TRPM3: variants seen among roughly 807,000 people sequenced by gnomAD.
TRPM3 encodes long transient receptor potential channel 3.
In TRPM3, 77 loss-of-function variants were observed where a neutral mutation model predicts 181.2. The ratio of observed to expected loss-of-function variants is 0.42; its 90% CI spans 0.35 to 0.51. TRPM3 has a LOEUF of 0.51. Among genes scored for constraint, TRPM3 ranks in the 20% least tolerant of loss-of-function variants. The pLI is 0.01. For missense variants in TRPM3, 1,759 were observed against 2,196.7 expected (o/e 0.80, Z 3.98); for synonymous variants, 745 against 796.4 (o/e 0.94, Z 1.09).
chr9:70,772,055 T>C (rs2080383083), intron 7 of TRPM3, among the ~76,000 whole-genome samples: 1 of 152,114 alleles, frequency 6.6e-6, no homozygotes, highest in Non-Finnish European at 1.5e-5. Context: ...GAGGAAAGAA[T>C]ATAATTAAAA....
rs567652032 is a variant in TRPM3, at chr9:71,129,856, T to G, written c.184-265345A>C. Among the ~76,000 whole-genome samples, 19 of 152,262 alleles carry G rather than the reference T, an allele frequency of 1.2e-4. 1 individual carries two copies. The South Asian group carries it at 3.9e-3, about 32-fold the overall frequency. On this transcript the variant is annotated intron_variant, in intron 1 of 24. Transcript: ENST00000357533. ...TTCCAGAAGCTCTGGGTTTCTTTTA[T>G]TTGCACGGCTGACTTCCATATCCCT...
At chr9:71,248,375 G>C (rs1321359303) in intron 1 of TRPM3, among the ~76,000 whole-genome samples, 1 of 152,138 alleles carries the variant, frequency 6.6e-6, no homozygotes, top group Non-Finnish European at 1.5e-5. Context: ...TGGACATTCT[G>C]ATATTTGAAT....
At chr9:71,445,993 C>T (rs1003767148) in intron 1 of TRPM3, among the ~76,000 whole-genome samples, 4 of 152,194 alleles carry the variant, frequency 2.6e-5, no homozygotes, top group African/African-American at 9.7e-5. Context: ...CTTCTCTACA[C>T]ACATATGATG....
At chr9:70,642,872 C>T (rs1336922284) in intron 9 of TRPM3, among the ~76,000 whole-genome samples, 1 of 152,152 alleles carries the variant, frequency 6.6e-6, no homozygotes, top group Admixed American at 6.5e-5. Flanking sequence ...TGGGTGGAGC[C>T]TAAGGTTCTG....
chr9:70,780,715 AT>A (rs2082269599), intron 7 of TRPM3, among the ~76,000 whole-genome samples: 1 of 152,178 alleles, frequency 6.6e-6, no homozygotes, highest in African/African-American at 2.4e-5. Context: ...ATCATGATGA[AT>A]TTATAATTGC....
chr9:71,393,489 A>G (rs537073321), intron 1 of TRPM3, among the ~76,000 whole-genome samples: 1 of 152,320 alleles, frequency 6.6e-6, no homozygotes, highest in Admixed American at 6.5e-5. Flanking sequence ...GAGCTTGAGG[A>G]TGGAATACCA....
At position 70,779,148 on chromosome 9, in the gene TRPM3, TCTC is replaced by T. The variant is rs368987104; in HGVS notation, c.1148+4954_1148+4956del. 3.3e-3 allele frequency among the ~76,000 whole-genome samples: 507 copies of T among 152,250 alleles called. 3 individuals are homozygous for T. The highest frequency in any genetic ancestry group is 0.011 in the African/African-American group (470 of 41,560). Reference sequence around the variant, plus strand: ...TTTTTATTAGAAATCTATTATCTATTCTCCTGCTCCCAAGCCATTGCTCATTTA... The same window carrying T: ...TTTTTATTAGAAATCTATTATCTATTCTGCTCCCAAGCCATTGCTCATTTA... On this transcript the variant is annotated intron_variant, in intron 7 of 25. Transcript: ENST00000677713.
intron 1 of TRPM3, among the ~76,000 whole-genome samples, chr9:70,999,258 C>A (rs1262085089): frequency 6.6e-6 from 1 of 152,170 alleles, no homozygotes; most frequent in Non-Finnish European, 1.5e-5. Flanking sequence ...CATAGGTGTG[C>A]TTTTAACTGA....
intron 1 of TRPM3, among the ~76,000 whole-genome samples, chr9:71,155,481 T>TTTTCA (rs1554836126): frequency 6.8e-4 from 88 of 128,934 alleles, no homozygotes; most frequent in African/African-American, 2.5e-3. Context: ...ACCATGCTTA[T>TTTTCA]TTTTATTTTA....
chr9:71,324,925 T>C (rs1028048418), intron 1 of TRPM3, among the ~76,000 whole-genome samples: 1 of 151,818 alleles, frequency 6.6e-6, no homozygotes, highest in African/African-American at 2.4e-5. Flanking sequence ...AAAAAATAGA[T>C]AACAGAGACT....
chr9:70,819,491 C>T (rs1333302261), intron 6 of TRPM3, among the ~76,000 whole-genome samples: 1 of 152,082 alleles, frequency 6.6e-6, no homozygotes, highest in East Asian at 1.9e-4. Flanking sequence ...GAGAAAGGTA[C>T]TCTAGGTGGC....
intron 24 of TRPM3, 27 bp from the exon 25 acceptor site, chr9:70,549,701 T>A: frequency 1.3e-6 from 2 of 1,574,622 alleles, no homozygotes; most frequent in Non-Finnish European, 1.7e-6. Context: ...AAAGGAAGTC[T>A]TGAGGGAGAG....
intron 1 of TRPM3, among the ~76,000 whole-genome samples, chr9:71,395,569 G>T (rs2093171117): frequency 6.6e-6 from 1 of 152,136 alleles, no homozygotes; most frequent in African/African-American, 2.4e-5. Context: ...TGGTTCTCAG[G>T]TAACATTGGT....
At chr9:70,852,106 G>A (rs371833894) in intron 3 of TRPM3, among the ~76,000 whole-genome samples, 4 of 114,938 alleles carry the variant, frequency 3.5e-5, no homozygotes, top group Non-Finnish European at 6.5e-5. Context: ...CAGCCCGGGC[G>A]ACAAGAGCAA....
intron 6 of TRPM3, among the ~76,000 whole-genome samples, chr9:70,821,943 T>C (rs543935075): frequency 6.6e-6 from 1 of 152,326 alleles, no homozygotes; most frequent in African/African-American, 2.4e-5. Flanking sequence ...AAATACCAAC[T>C]GTGCTGCATG....
intron 8 of TRPM3, among the ~76,000 whole-genome samples, chr9:70,751,735 A>G (rs2076162803): frequency 6.6e-6 from 1 of 152,156 alleles, no homozygotes; most frequent in Non-Finnish European, 1.5e-5. Flanking sequence ...CATTTTCTAG[A>G]GAAAAAATTA....
chr9:70,647,422 C>T (rs1003868349), intron 9 of TRPM3, among the ~76,000 whole-genome samples: 1 of 152,098 alleles, frequency 6.6e-6, no homozygotes, highest in East Asian at 1.9e-4. Context: ...ACCACATAAA[C>T]AGAACTAAAA....
chr9:70,564,866 T>G (rs2050142059), intron 22 of TRPM3, among the ~76,000 whole-genome samples: 1 of 152,216 alleles, frequency 6.6e-6, no homozygotes, highest in African/African-American at 2.4e-5. Context: ...CCTGCTGACA[T>G]TATTTACAAA....
intron 1 of TRPM3, among the ~76,000 whole-genome samples, chr9:70,995,894 T>C (rs1289435890): frequency 6.6e-6 from 1 of 152,246 alleles, no homozygotes; most frequent in Non-Finnish European, 1.5e-5. Flanking sequence ...CTGACAATTC[T>C]AGAAAGAAAC....
Sources: allele counts gnomAD v4.1 joint callset (sites outside exome capture counted in the v4.1 genomes callset), GRCh38; gene constraint gnomAD v4.1.1; transcripts MANE v1.5; gene names NCBI Gene and HGNC (gene_info 2026-07-23, HGNC 2026-07-21).